Variants in SULT4A1 observed in about 807,000 individuals in gnomAD.
SULT4A1 encodes the protein sulfotransferase 4A1.
Under a neutral mutation model 35.2 loss-of-function variants are expected in SULT4A1, and 11 were observed. The ratio of observed to expected loss-of-function variants is 0.31; its 90% CI spans 0.20 to 0.52. The LOEUF is 0.52. Among genes scored for constraint, SULT4A1 ranks in the 20% least tolerant of loss-of-function variants. The pLI, the probability that SULT4A1 is intolerant of heterozygous loss-of-function variation, is 0.97. For missense variants in SULT4A1, 271 were observed against 383.7 expected (o/e 0.71, Z 2.45); for synonymous variants, 152 against 151.8 (o/e 1.00, Z -0.01).
intron 1 of SULT4A1, among the ~76,000 whole-genome samples, chr22:43,846,312 G>A (rs963458493): frequency 1.1e-4 from 16 of 152,196 alleles, no homozygotes; most frequent in Admixed American, 9.2e-4. Context: ...CCTGTCATGC[G>A]ATTCCAATGT....
chr22:43,862,451 G>A lies in SULT4A1; in HGVS notation c.-69C>T. The A allele has an allele frequency of 2.1e-6, 2 of 958,212 alleles. No individual in the cohort carries two copies. The highest frequency in any genetic ancestry group is 2.5e-6 in the Non-Finnish European group (2 of 810,618). 59.4% of individuals were successfully genotyped at this position (958,212 alleles called of 1,614,324 possible). A position where few individuals can be genotyped will look rare whatever the true frequency, so the allele number is the denominator to read the frequency against. On this transcript the variant is annotated 5_prime_UTR_variant, in exon 1 of 7. Transcript: ENST00000330884. ...CCCGCACGCGCCCGCGCCCGCGCCC[G>A]CGCCCGCGCCCCGCACACGCTCGCG...
intron 1 of SULT4A1, among the ~76,000 whole-genome samples, chr22:43,843,177 G>A (rs113408051): frequency 0.038 from 5,775 of 152,254 alleles, 219 homozygotes; most frequent in African/African-American, 0.094. Context: ...CACTATGGGA[G>A]GCCAAACCGG....
chr22:43,859,812 C>T (rs2049445257), intron 1 of SULT4A1, among the ~76,000 whole-genome samples: 2 of 152,224 alleles, frequency 1.3e-5, no homozygotes, highest in South Asian at 4.1e-4. Context: ...TACTGAGCAC[C>T]TGAAACATGG....
chr22:43,858,024 TG>T (rs2049421635), intron 1 of SULT4A1, among the ~76,000 whole-genome samples: 1 of 113,906 alleles, frequency 8.8e-6, no homozygotes, highest in Admixed American at 1.2e-4. Flanking sequence ...CACTCCAGCC[TG>T]GGCAATAGAG....
At chr22:43,830,141 C>G (rs1214132220) in intron 5 of SULT4A1, among the ~76,000 whole-genome samples, 1 of 152,104 alleles carries the variant, frequency 6.6e-6, no homozygotes, top group Admixed American at 6.5e-5. Flanking sequence ...GTGGTGCATC[C>G]CGGGCGCAGG....
intron 4 of SULT4A1, among the ~76,000 whole-genome samples, chr22:43,837,053 GCTGTGGC>G (rs1322403465): frequency 6.6e-6 from 1 of 152,274 alleles, no homozygotes; most frequent in Non-Finnish European, 1.5e-5. Flanking sequence ...GTTGCCCTGT[GCTGTGGC>G]CTCTGATCCT....
At chr22:43,852,846 C>A (rs962626441) in intron 1 of SULT4A1, among the ~76,000 whole-genome samples, 1 of 151,362 alleles carries the variant, frequency 6.6e-6, no homozygotes, top group Non-Finnish European at 1.5e-5. Context: ...CCCAGGAGCT[C>A]GCTACGACTT....
intron 5 of SULT4A1, among the ~76,000 whole-genome samples, chr22:43,830,287 G>A (rs2063316265): frequency 6.6e-6 from 1 of 152,162 alleles, no homozygotes; most frequent in Admixed American, 6.5e-5. Context: ...AAGAAACCTG[G>A]CTCTCAGAAG....
intron 2 of SULT4A1, among the ~76,000 whole-genome samples, chr22:43,841,343 G>A (rs978371849): frequency 6.6e-6 from 1 of 152,204 alleles, no homozygotes; most frequent in Non-Finnish European, 1.5e-5. Flanking sequence ...ATTCAGGTGT[G>A]AGGCTGGAAC....
Position 43,838,911 on chromosome 22 carries a change from C to T in SULT4A1, c.464G>A (p.Arg155Gln), listed in dbSNP as rs11542811. 3.7e-6 allele frequency: 6 copies of T among 1,614,054 alleles called. No individual in the cohort carries two copies. The highest frequency in any genetic ancestry group is 1.1e-5 in the South Asian group (1 of 91,080). Reference protein sequence around the residue: ...FHRSLRTMSYRGTFQEFCRRF... With the variant: ...FHRSLRTMSYQGTFQEFCRRF... The stretch of plus-strand genomic sequence containing the variant: ...CCGGCAGAATTCTTGAAAGGTGCCT[C>T]GGTAGCTCATGGTCCGCAGAGAGCG... Residue 155 changes from arginine (R) to glutamine (Q), a missense_variant, in exon 4 of 7, where the codon CGA (arginine) becomes CAA (glutamine). Around this residue, in one of 3 missense-constraint regions of SULT4A1, gnomAD observed 164 missense variants for 254.1 expected, o/e 0.65. Transcript: ENST00000330884.
At chr22:43,827,062 A>G in intron 6 of SULT4A1, 1 of 985,470 alleles carries the variant, frequency 1.0e-6, no homozygotes, top group Non-Finnish European at 1.2e-6. Flanking sequence ...GTCCAATAGC[A>G]ACGGTGACCG....
At chr22:43,848,977 C>G (rs1442171876) in intron 1 of SULT4A1, among the ~76,000 whole-genome samples, 1 of 152,224 alleles carries the variant, frequency 6.6e-6, no homozygotes, top group Non-Finnish European at 1.5e-5. Context: ...AGTGCTTCTG[C>G]TGACACCACT....
chr22:43,831,876 C>T (rs770032849), intron 5 of SULT4A1, among the ~76,000 whole-genome samples: 7 of 152,028 alleles, frequency 4.6e-5, no homozygotes, highest in African/African-American at 1.5e-4. Context: ...TCAAGCCCCA[C>T]GTGTGTGCCA....
intron 1 of SULT4A1, among the ~76,000 whole-genome samples, chr22:43,856,903 T>C (rs1053833222): frequency 3.3e-5 from 5 of 152,292 alleles, no homozygotes; most frequent in African/African-American, 1.2e-4. Context: ...ATATGCTGTG[T>C]TGAGCAGTCA....
chr22:43,853,191 C>T (rs948839531), intron 1 of SULT4A1, among the ~76,000 whole-genome samples: 8 of 151,832 alleles, frequency 5.3e-5, no homozygotes, highest in Non-Finnish European at 1.0e-4. Flanking sequence ...ACACATACAC[C>T]CACACACACT....
In SULT4A1 at chr22:43,862,469, C is replaced by A; in HGVS notation, c.-87G>T. Reference sequence around the variant, plus strand: ...CGCGCCCGCGCCCGCGCCCCGCACACGCTCGCGCCCCACCGGCGCGCGGCG... The same window carrying A: ...CGCGCCCGCGCCCGCGCCCCGCACAAGCTCGCGCCCCACCGGCGCGCGGCG... On this transcript the variant is annotated 5_prime_UTR_variant, in exon 1 of 7. Coordinates refer to ENST00000330884, the MANE Select transcript of SULT4A1 (RefSeq NM_014351.4). 1.0e-6 allele frequency: 1 copy of A among 963,292 alleles called. No individual in the cohort carries two copies. Among genetic ancestry groups the A allele is most frequent in the Non-Finnish European group, 1.2e-6 (1 of 814,212 alleles). The allele number at this position is 963,292 out of a possible 1,614,324, so 59.7% of individuals were successfully genotyped here.
At chr22:43,859,317 C>G (rs1342301449) in intron 1 of SULT4A1, among the ~76,000 whole-genome samples, 1 of 152,258 alleles carries the variant, frequency 6.6e-6, no homozygotes, top group Non-Finnish European at 1.5e-5. Flanking sequence ...CCAGGTGGCT[C>G]ACCCACGCCC....
intron 1 of SULT4A1, among the ~76,000 whole-genome samples, chr22:43,846,971 G>A (rs146735437): frequency 6.0e-4 from 91 of 151,956 alleles, no homozygotes; most frequent in Middle Eastern, 6.8e-3. Flanking sequence ...CATCAATATC[G>A]GCCACTTCAG....
chr22:43,845,499 A>T (rs2063468890), intron 1 of SULT4A1, among the ~76,000 whole-genome samples: 1 of 152,128 alleles, frequency 6.6e-6, no homozygotes, highest in South Asian at 2.1e-4. Flanking sequence ...TCCTTGCCTC[A>T]GTGAGCCCCG....
Sources: gnomAD v4.1 joint callset for allele counts (sites outside exome capture counted in the v4.1 genomes callset) on GRCh38, gnomAD v4.1.1 for gene constraint, gnomAD v4.1.1 regional missense constraint, MANE v1.5 for transcripts, NCBI Gene and HGNC (gene_info 2026-07-23, HGNC 2026-07-21) for gene names.